The following TGFB2 variants were observed in gnomAD, a reference collection of about 807,000 sequenced individuals.
The protein encoded by TGFB2 is transforming growth factor beta-2 proprotein.
A neutral mutation model predicts 42.7 loss-of-function variants in TGFB2; 13 were observed. The ratio of observed to expected loss-of-function variants is 0.30; its 90% confidence interval spans 0.20 to 0.48. The LOEUF is 0.48. Ranked by LOEUF, TGFB2 falls within the 20% of genes least tolerant of loss-of-function variation. TGFB2 has a pLI of 0.99. For synonymous variants in TGFB2, 193 were observed against 193.6 expected (o/e 1.00, Z 0.03); for missense variants, 390 against 517.5 (o/e 0.75, Z 2.39).
At chr1:218,408,741 A>G (rs1268778099) in intron 2 of TGFB2, among the ~76,000 whole-genome samples, 3 of 152,224 alleles carry the variant, frequency 2.0e-5, no homozygotes, top group Admixed American at 6.5e-5. Context: ...GAGGAGGGCT[A>G]GAGGAGGACA....
intron 1 of TGFB2, among the ~76,000 whole-genome samples, chr1:218,369,858 G>A (rs1657516236): frequency 6.6e-6 from 1 of 152,206 alleles, no homozygotes; most frequent in Admixed American, 6.5e-5. Context: ...TTGAAATGAG[G>A]TCATAAGCCA....
chr1:218,395,932 A>C (rs1184275048), intron 1 of TGFB2, among the ~76,000 whole-genome samples: 2 of 152,178 alleles, frequency 1.3e-5, no homozygotes, highest in African/African-American at 2.4e-5. Flanking sequence ...TTTATCTGTG[A>C]AATGGGGATT....
chr1:218,352,082 C>T (rs1438790247), intron 1 of TGFB2, among the ~76,000 whole-genome samples: 1 of 152,058 alleles, frequency 6.6e-6, no homozygotes, highest in African/African-American at 2.4e-5. Context: ...GGACTCTGGC[C>T]CACTGCCACT....
chr1:218,350,838 A>G (rs1413411587), intron 1 of TGFB2, among the ~76,000 whole-genome samples: 6 of 152,224 alleles, frequency 3.9e-5, no homozygotes, highest in African/African-American at 7.2e-5. Flanking sequence ...AGGAATTATC[A>G]TGGATTCCCC....
intron 1 of TGFB2, among the ~76,000 whole-genome samples, chr1:218,404,011 G>C (rs1210989962): frequency 7.5e-6 from 1 of 133,404 alleles, no homozygotes; most frequent in Non-Finnish European, 1.5e-5. Flanking sequence ...TCTGGTCTTT[G>C]TATAGCCTCA....
In TGFB2 at chr1:218,432,262, A is replaced by C. The variant is rs79461747; in HGVS notation, c.511-1820A>C. 4.5e-4 allele frequency among the ~76,000 whole-genome samples: 68 copies of C among 152,330 alleles called. No homozygotes were observed. The East Asian group carries it at 5.2e-3, about 12-fold the overall frequency. Reference sequence around the variant, plus strand: ...AAATAAAATAATGCATGCCAAGCCCAGAGCGTAGTGTACCCAGCCCTCAAG... The same window carrying C: ...AAATAAAATAATGCATGCCAAGCCCCGAGCGTAGTGTACCCAGCCCTCAAG... On this transcript the variant is annotated intron_variant, in intron 2 of 6. Transcript: ENST00000366930.
At chr1:218,428,644 G>A (rs1305039099) in intron 2 of TGFB2, among the ~76,000 whole-genome samples, 4 of 152,148 alleles carry the variant, frequency 2.6e-5, no homozygotes, top group Admixed American at 6.5e-5. Flanking sequence ...TCAGATGGTC[G>A]TAGATGTGTG....
At chr1:218,387,078 T>C (rs1658161490) in intron 1 of TGFB2, among the ~76,000 whole-genome samples, 1 of 152,030 alleles carries the variant, frequency 6.6e-6, no homozygotes, top group Non-Finnish European at 1.5e-5. Flanking sequence ...TAAAAAGAGG[T>C]GACACTAGGC....
At chr1:218,380,948 G>A (rs1323080762) in intron 1 of TGFB2, among the ~76,000 whole-genome samples, 1 of 152,172 alleles carries the variant, frequency 6.6e-6, no homozygotes, top group Non-Finnish European at 1.5e-5. Flanking sequence ...CTATGAGATA[G>A]ATGCTATTAT....
rs1473638198 is a variant in TGFB2, at chr1:218,437,496, G to A, written c.1086G>A (p.Arg362=). ...YLWSSDTQHS[R]VLSLYNTINP... ...GGAGTTCAGACACTCAGCACAGCAG[G>A]GTGAGTGTTCAGCTTACCTGTTGCC... Residue 362 remains arginine (R), a splice_region_variant and synonymous_variant, in exon 6 of 7, where the codon AGG becomes AGA. Transcript: ENST00000366930. The A allele has an allele frequency of 3.1e-6, 5 of 1,608,058 alleles. No homozygotes were observed. Among genetic ancestry groups the A allele is most frequent in the South Asian group, 2.2e-5 (2 of 89,416 alleles).
intron 1 of TGFB2, among the ~76,000 whole-genome samples, chr1:218,366,384 G>T (rs1657388096): frequency 6.6e-6 from 1 of 151,994 alleles, no homozygotes; most frequent in South Asian, 2.1e-4. Context: ...ATAGCTCACT[G>T]TAACCTCTAA....
chr1:218,350,856 G>T (rs1170434147), intron 1 of TGFB2, among the ~76,000 whole-genome samples: 1 of 152,156 alleles, frequency 6.6e-6, no homozygotes, highest in African/African-American at 2.4e-5. Flanking sequence ...CCCTTGCAAG[G>T]GAAATAAGCA....
intron 1 of TGFB2, among the ~76,000 whole-genome samples, chr1:218,364,474 G>C (rs1358937047): frequency 6.6e-6 from 1 of 152,230 alleles, no homozygotes. Context: ...AGTGGCTAAA[G>C]TTATCCCTGA....
chr1:218,423,385 T>G (rs1659518749), intron 2 of TGFB2, among the ~76,000 whole-genome samples: 1 of 152,194 alleles, frequency 6.6e-6, no homozygotes, highest in Non-Finnish European at 1.5e-5. Flanking sequence ...AGGGACCACA[T>G]GCTCAGCAAA....
At chr1:218,384,144 T>C (rs1658054375) in intron 1 of TGFB2, among the ~76,000 whole-genome samples, 1 of 152,138 alleles carries the variant, frequency 6.6e-6, no homozygotes, top group Admixed American at 6.5e-5. Flanking sequence ...AGGAATTAAA[T>C]AGCATAAGTA....
chr1:218,380,172 C>G lies in TGFB2; in HGVS notation c.347-24997C>G, dbSNP rs564360180. On this transcript the variant is annotated intron_variant, in intron 1 of 6. Transcript: ENST00000366930. ...GTCGCTGCCATCGTCAGCACTCACT[C>G]GCATTCATTGGAAGCTCAAGTCGGT... 2.0e-5 allele frequency among the ~76,000 whole-genome samples: 3 copies of G among 152,302 alleles called. No individual in the cohort carries two copies. The East Asian group carries it at 5.8e-4, about 29-fold the overall frequency.
intron 1 of TGFB2, among the ~76,000 whole-genome samples, chr1:218,400,295 T>C (rs1658671800): frequency 6.6e-6 from 1 of 152,186 alleles, no homozygotes; most frequent in Admixed American, 6.5e-5. Flanking sequence ...TCTCCCTCTC[T>C]CTGTCTCTCT....
At chr1:218,422,753 T>C (rs1659499362) in intron 2 of TGFB2, among the ~76,000 whole-genome samples, 1 of 152,164 alleles carries the variant, frequency 6.6e-6, no homozygotes, top group African/African-American at 2.4e-5. Flanking sequence ...TACTACCCAA[T>C]GCACTCCTTT....
At chr1:218,429,149 T>A (rs1322685604) in intron 2 of TGFB2, among the ~76,000 whole-genome samples, 1 of 151,940 alleles carries the variant, frequency 6.6e-6, no homozygotes, top group Non-Finnish European at 1.5e-5. Context: ...CCCAGCTAAT[T>A]TTTGTATTTT....
Sources: gnomAD v4.1 joint callset for allele counts (sites outside exome capture counted in the v4.1 genomes callset) on GRCh38, gnomAD v4.1.1 for gene constraint, MANE v1.5 for transcripts, NCBI Gene and HGNC (gene_info 2026-07-23, HGNC 2026-07-21) for gene names.